The following UTP20 variants were observed in gnomAD, a reference collection of about 807,000 sequenced individuals.
The protein encoded by UTP20 is UTP20 small subunit processome component, also known as small subunit processome component 20 homolog.
A neutral mutation model predicts 329.5 loss-of-function variants in UTP20; 164 were observed. The observed-to-expected ratio is 0.50, with a 90% CI of 0.44 to 0.57. UTP20 has a LOEUF of 0.57. Ranked by LOEUF, UTP20 falls within the 20% of genes least tolerant of loss-of-function variation. The probability of loss-of-function intolerance (pLI) is 0.00; values close to 1 mark genes in which losing one functional copy is unlikely to be tolerated. For missense variants in UTP20, 3,055 were observed against 3,284.2 expected (o/e 0.93, Z 1.71); for synonymous variants, 1,151 against 1,159.3 (o/e 0.99, Z 0.14).
At chr12:101,361,506 A>C (rs551558456) in intron 43 of UTP20, among the ~76,000 whole-genome samples, 1 of 152,132 alleles carries the variant, frequency 6.6e-6, no homozygotes, top group Non-Finnish European at 1.5e-5. Context: ...GGTGACTGTA[A>C]TCCTAGCTAC....
At chr12:101,305,150 G>T (rs1444740995) in intron 15 of UTP20, among the ~76,000 whole-genome samples, 1 of 151,684 alleles carries the variant, frequency 6.6e-6, no homozygotes, top group Non-Finnish European at 1.5e-5. Context: ...GAGAAAACCA[G>T]GGTTTTCTCC....
chr12:101,281,130 T>C lies in UTP20; in HGVS notation c.60T>C (p.Ala20=). 1 of 1,612,642 alleles carries C rather than the reference T, an allele frequency of 6.2e-7. No homozygotes were observed. The change falls in exon 2 of 62, where the codon GCT becomes GCC. Residue 20 remains alanine, a synonymous_variant. Coordinates refer to ENST00000261637, the MANE Select transcript of UTP20 (RefSeq NM_014503.3). Reference sequence around the variant, plus strand: ...TTCCCTTCCAGTTTCTTACATTTGCTGAACGACTGGGGAATGTTAATATTG... The same window carrying C: ...TTCCCTTCCAGTTTCTTACATTTGCCGAACGACTGGGGAATGTTAATATTG... The part of the protein sequence containing the change: ...TENTYRFLTF[A]ERLGNVNIDI...
rs1453063359 is a variant in UTP20, at chr12:101,300,014, T to G, written c.1628T>G (p.Phe543Cys). The change falls in exon 14 of 62, where the codon TTC becomes TGC. Residue 543 changes from phenylalanine (F) to cysteine (C), a missense_variant. Physicochemically the swap from Phe to Cys is radical, Grantham distance 205 (BLOSUM62 -2). Around this residue, in one of 3 missense-constraint regions of UTP20, gnomAD observed 2,445 missense variants for 2,575.5 expected, o/e 0.95. Transcript: ENST00000261637. ...AAGGTGATACCACTCGTCACCGGCT[T>G]CATAGAGGCACTCTTCATGACTGTT... Reference protein sequence around the residue: ...KEKVIPLVTGFIEALFMTVDK... With the variant: ...KEKVIPLVTGCIEALFMTVDK... The G allele has an allele frequency of 6.2e-7, 1 of 1,614,164 alleles. No homozygotes were observed. Among genetic ancestry groups the G allele is most frequent in the Admixed American group, 1.7e-5 (1 of 60,032 alleles).
chr12:101,340,457 A>C (rs1449243429), intron 31 of UTP20, 66 bp from the exon 32 acceptor site: 2 of 1,000,734 alleles, frequency 2.0e-6, no homozygotes, highest in African/African-American at 3.3e-5. Flanking sequence ...TTTCTACAAA[A>C]AGTTTAACTT....
Position 101,370,532 on chromosome 12 carries a change from C to T in UTP20, c.6656C>T (p.Ser2219Leu), listed in dbSNP as rs747551809. ...AYAEEDIYDT[S>L]RQATAFGLLK... ...GCTGAGGAGGACATTTATGATACTT[C>T]AAGACAAGCCACTGCCTTTGGTCTT... The change falls in exon 50 of 62, where the codon TCA (serine) becomes TTA (leucine). Residue 2219 changes from serine to leucine, a missense_variant. Coordinates refer to ENST00000261637, the MANE Select transcript of UTP20 (RefSeq NM_014503.3). 6.2e-7 allele frequency: 1 copy of T among 1,613,692 alleles called. No homozygotes were observed. Among genetic ancestry groups the T allele is most frequent in the East Asian group, 2.2e-5 (1 of 44,868 alleles).
At chr12:101,342,316 A>G in intron 32 of UTP20, 130 bp from the exon 33 acceptor site, 1 of 732,618 alleles carries the variant, frequency 1.4e-6, no homozygotes. Context: ...AAAAGACGAT[A>G]AAATAATTTT....
intron 21 of UTP20, among the ~76,000 whole-genome samples, chr12:101,316,883 C>G (rs1214259142): frequency 6.6e-6 from 1 of 152,132 alleles, no homozygotes; most frequent in Non-Finnish European, 1.5e-5. Flanking sequence ...CTGTATTAAG[C>G]TTAGCTGCAC....
intron 6 of UTP20, 150 bp from the exon 7 acceptor site, chr12:101,289,987 T>C (rs1872086383): frequency 1.8e-6 from 1 of 556,116 alleles, no homozygotes; most frequent in Non-Finnish European, 2.9e-6. Context: ...ACTATTAGAG[T>C]AGTTTGAAAT....
chr12:101,327,006 A>G, intron 25 of UTP20, 75 bp from the exon 26 acceptor site: 1 of 1,449,850 alleles, frequency 6.9e-7, no homozygotes, highest in Non-Finnish European at 9.4e-7. Flanking sequence ...TTGCTCTTCT[A>G]GCCTTTTAGG....
intron 37 of UTP20, 87 bp from the exon 38 acceptor site, chr12:101,346,364 T>C: frequency 6.9e-7 from 1 of 1,454,750 alleles, no homozygotes; most frequent in Admixed American, 2.5e-5. Flanking sequence ...CTTTAATCTT[T>C]TTATGAAAAG....
At chr12:101,319,514 C>G in intron 22 of UTP20, 31 bp from the exon 23 acceptor site, 1 of 1,525,246 alleles carries the variant, frequency 6.6e-7, no homozygotes. Context: ...TTCTTTAATT[C>G]TGTAACACTC....
intron 27 of UTP20, among the ~76,000 whole-genome samples, chr12:101,330,014 G>GA (rs60311587): frequency 2.1e-5 from 3 of 143,136 alleles, no homozygotes; most frequent in Admixed American, 6.9e-5. Context: ...AAAAAAGAAA[G>GA]AAAAAAAAAG....
At chr12:101,365,236 G>A (rs1012826269) in intron 45 of UTP20, among the ~76,000 whole-genome samples, 2 of 152,112 alleles carry the variant, frequency 1.3e-5, no homozygotes, top group African/African-American at 4.8e-5. Context: ...AGGAAACCCC[G>A]AGGCTCACAA....
In UTP20 at chr12:101,363,654, C is replaced by T. The variant is rs780421838; in HGVS notation, c.5869C>T (p.Arg1957Ter). Residue 1957 changes from arginine to a stop codon, truncating the protein, a stop_gained, in exon 45 of 62, where the codon CGA becomes TGA. Coordinates refer to ENST00000261637, the MANE Select transcript of UTP20 (RefSeq NM_014503.3). LOFTEE classifies it high-confidence loss of function. The part of the protein sequence containing the change: ...KQILSKVMEA[R>*]RSKSYDSYEI... ...GATCCTCTCCAAAGTCATGGAAGCACGAAGAAGCAAAAGTTACGACTCTTA... is the reference window on the plus strand; with the variant it reads ...GATCCTCTCCAAAGTCATGGAAGCATGAAGAAGCAAAAGTTACGACTCTTA... 5.0e-6 allele frequency: 8 copies of T among 1,613,720 alleles called. No individual in the cohort carries two copies. Among genetic ancestry groups the T allele is most frequent in the Admixed American group, 3.3e-5 (2 of 59,988 alleles).
At chr12:101,370,867 C>A (rs553620050) in intron 50 of UTP20, among the ~76,000 whole-genome samples, 191 bp from the exon 51 acceptor site, 2 of 152,130 alleles carry the variant, frequency 1.3e-5, no homozygotes, top group South Asian at 2.1e-4. Context: ...AAAAAATTCA[C>A]CATTTTTACC....
rs1466704062 is a variant in UTP20, at chr12:101,299,734, C to G, written c.1483C>G (p.Pro495Ala). The change falls in exon 13 of 62, where the codon CCA becomes GCA. Residue 495 changes from proline (P) to alanine (A), a missense_variant. Around this residue, in one of 3 missense-constraint regions of UTP20, gnomAD observed 2,445 missense variants for 2,575.5 expected, o/e 0.95. Coordinates refer to ENST00000261637, the MANE Select transcript of UTP20 (RefSeq NM_014503.3). ...ATCCAAGGGAAGAAACGAACAGTTT[C>G]CAGTATTGGACCATCTTTTATCTAT... Reference protein sequence around the residue: ...TRSKGRNEQFPVLDHLLSIIK... With the variant: ...TRSKGRNEQFAVLDHLLSIIK... 1.2e-6 allele frequency: 2 copies of G among 1,610,416 alleles called. No homozygotes were observed. The highest frequency in any genetic ancestry group is 8.5e-7 in the Non-Finnish European group (1 of 1,178,956).
At chr12:101,356,508 TG>T in intron 41 of UTP20, 45 bp from the exon 42 acceptor site, 1 of 1,522,226 alleles carries the variant, frequency 6.6e-7, no homozygotes, top group Non-Finnish European at 8.9e-7. Flanking sequence ...GGTAGATCAC[TG>T]ATCCATTTAT....
intron 59 of UTP20, 108 bp downstream of exon 59, chr12:101,383,421 A>G: frequency 1.3e-6 from 2 of 1,488,076 alleles, no homozygotes; most frequent in Non-Finnish European, 1.8e-6. Context: ...TTTGAACCCC[A>G]AACTGCAGCA....
intron 23 of UTP20, 129 bp downstream of exon 23, chr12:101,319,764 CTTTTT>C: frequency 1.8e-6 from 1 of 560,204 alleles, no homozygotes; most frequent in Non-Finnish European, 2.8e-6. Context: ...GTATTAAAGC[CTTTTT>C]TTTTTTAATT....
Sources: allele counts gnomAD v4.1 joint callset (sites outside exome capture counted in the v4.1 genomes callset), GRCh38; gene constraint gnomAD v4.1.1; regional missense constraint gnomAD v4.1.1; transcripts MANE v1.5; gene names NCBI Gene and HGNC (gene_info 2026-07-23, HGNC 2026-07-21).